Variants in MAP3K14 observed in about 807,000 individuals in gnomAD.
The protein encoded by MAP3K14 is NF-kappa-beta-inducing kinase.
Under a neutral mutation model 99.2 loss-of-function variants are expected in MAP3K14, and 16 were observed. That is an observed-to-expected ratio of 0.16 (90% CI 0.11 to 0.24). MAP3K14 has a LOEUF of 0.24. Ranked by LOEUF, MAP3K14 falls within the 10% of genes least tolerant of loss-of-function variation. MAP3K14 has a pLI of 1.00. For synonymous variants in MAP3K14, 462 were observed against 492.4 expected (o/e 0.94, Z 0.82); for missense variants, 784 against 1,208.7 (o/e 0.65, Z 5.21).
intron 6 of MAP3K14, among the ~76,000 whole-genome samples, chr17:45,277,375 AG>A (rs991289739): frequency 3.9e-5 from 6 of 152,048 alleles, no homozygotes; most frequent in African/African-American, 1.4e-4. Flanking sequence ...TAGCATCGCC[AG>A]GGGGCGCTGG....
Position 45,267,322 on chromosome 17 carries a change from A to T in MAP3K14, c.2326+84T>A. The T allele has an allele frequency of 1.4e-6, 2 of 1,458,720 alleles. No homozygotes were observed. Among genetic ancestry groups the T allele is most frequent in the Non-Finnish European group, 1.9e-6 (2 of 1,066,474 alleles). 90.4% of individuals were successfully genotyped at this position (1,458,720 alleles called of 1,614,324 possible). A position where few individuals can be genotyped will look rare whatever the true frequency, so the allele number is the denominator to read the frequency against. On this transcript the variant is annotated intron_variant, in intron 12 of 15. Coordinates refer to ENST00000344686, the MANE Select transcript of MAP3K14 (RefSeq NM_003954.5). This position sits in a 1 kb window ranked among gnomAD's most constrained non-coding sequence, Gnocchi z 5.1. ...GGGAAGGGGCTGGAAGAAAGCCCAC[A>T]CCGCAGGTAAAGAGAAACACCGGCC...
chr17:45,267,542 C>A lies in MAP3K14; in HGVS notation c.2190G>T (p.Leu730Phe). The A allele has an allele frequency of 6.2e-7, 1 of 1,613,560 alleles. No individual in the cohort carries two copies. Among genetic ancestry groups the A allele is most frequent in the Non-Finnish European group, 8.5e-7 (1 of 1,179,650 alleles). Residue 730 changes from leucine (L) to phenylalanine (F), a missense_variant, in exon 12 of 16, where the codon TTG (leucine) becomes TTT (phenylalanine). Physicochemically the swap from Leu to Phe is conservative, Grantham distance 22. Coordinates refer to ENST00000344686, the MANE Select transcript of MAP3K14 (RefSeq NM_003954.5). This position sits in a 1 kb window ranked among gnomAD's most constrained non-coding sequence, Gnocchi z 5.1. Reference sequence around the variant, plus strand: ...TCCCAGACTCCTCCTTGCTCAAAGTCAAGGGAGGAGACTTGTTTGGCTCTG... The same window carrying A: ...TCCCAGACTCCTCCTTGCTCAAAGTAAAGGGAGGAGACTTGTTTGGCTCTG... Reference protein sequence around the residue: ...EPPEPNKSPPLTLSKEESGMW... With the variant: ...EPPEPNKSPPFTLSKEESGMW...
At chr17:45,312,252 T>C (rs985881365) in intron 1 of MAP3K14, among the ~76,000 whole-genome samples, 6 of 152,194 alleles carry the variant, frequency 3.9e-5, no homozygotes, top group African/African-American at 1.2e-4. Flanking sequence ...CAACCAGTTA[T>C]GGAGCAAGGT....
chr17:45,276,992 G>A lies in MAP3K14; in HGVS notation c.1291-2399C>T, dbSNP rs576252031. ...TTACAGGCACGTGCCACCACATCCA[G>A]CTAATTTTTGTATTTTTAGTAGAGA... On this transcript the variant is annotated intron_variant, in intron 6 of 15. Transcript: ENST00000344686. Among the ~76,000 whole-genome samples the A allele has an allele frequency of 2.4e-3, 358 of 151,060 alleles. 1 individual carries two copies. The highest frequency in any genetic ancestry group is 8.5e-3 in the African/African-American group (348 of 41,118).
rs781573292 is a variant in MAP3K14 at position 45,270,555 on chromosome 17, G to A, written c.1830C>T (p.Ser610=). Residue 610 remains serine (S), a synonymous_variant, in exon 11 of 16, where the codon AGC becomes AGT. Transcript: ENST00000344686. ...FRGPLCLKIA[S]EPPPVREIPP... The stretch of plus-strand genomic sequence containing the variant: ...GGATCTCCCTCACAGGCGGAGGCTC[G>A]CTGGCAATCTGGGGGGCAAAAGACA... The A allele has an allele frequency of 5.8e-6, 9 of 1,551,290 alleles. No homozygotes were observed. Among genetic ancestry groups the A allele is most frequent in the Non-Finnish European group, 7.8e-6 (9 of 1,150,868 alleles).
chr17:45,270,423 T>C lies in MAP3K14; in HGVS notation c.1962A>G (p.Ala654=), dbSNP rs1221758717. The change falls in exon 11 of 16, where the codon GCA becomes GCG. Residue 654 remains alanine (A), a synonymous_variant. Transcript: ENST00000344686. ...TGGGGCTCTTCCTACCTTGCTGTAG[T>C]GCCCGGTTCACCTTCCCTCCCAGCT... ...AAELGGKVNR[A]LQQVGGLKSP... 1.9e-6 allele frequency: 3 copies of C among 1,611,398 alleles called. No individual in the cohort carries two copies. The highest frequency in any genetic ancestry group is 1.7e-5 in the Admixed American group (1 of 59,902).
rs529655340 is a variant in MAP3K14 at position 45,306,696 on chromosome 17, T to C, written c.-21+10264A>G. Among the ~76,000 whole-genome samples the C allele has an allele frequency of 3.3e-5, 5 of 152,364 alleles. No individual in the cohort carries two copies. The South Asian group carries it at 8.3e-4, about 25-fold the overall frequency. ...TTGCTATCTTCATAAATTTCATCAG[T>C]ACTTTTGCCCCCAGGCCCTGATACA... is the stretch of plus-strand genomic sequence containing the variant. On this transcript the variant is annotated intron_variant, in intron 1 of 15. Transcript: ENST00000344686.
In MAP3K14 at chr17:45,286,571, C is replaced by G. The variant is rs1237114758; in HGVS notation, c.1012G>C (p.Val338Leu). The G allele has an allele frequency of 1.9e-6, 3 of 1,611,120 alleles. No homozygotes were observed. Among genetic ancestry groups the G allele is most frequent in the South Asian group, 1.1e-5 (1 of 90,358 alleles). Residue 338 changes from valine (V) to leucine (L), a missense_variant, in exon 5 of 16, where the codon GTG becomes CTG. Physicochemically the swap from Val to Leu is conservative, Grantham distance 32. This residue lies in a region of MAP3K14 where 138 missense variants were observed against 164.1 expected (regional missense o/e 0.84). Coordinates refer to ENST00000344686, the MANE Select transcript of MAP3K14 (RefSeq NM_003954.5). This position sits in a 1 kb window ranked among gnomAD's most constrained non-coding sequence, Gnocchi z 4.1. Reference sequence around the variant, plus strand: ...CTCACGCTGCCTTGCAGAGCATGCACTAGGTATTCCTCCACAGAAAACTTC... The same window carrying G: ...CTCACGCTGCCTTGCAGAGCATGCAGTAGGTATTCCTCCACAGAAAACTTC... ...HEKFSVEEYLVHALQGSVSSG... is the reference protein window; with the variant it reads ...HEKFSVEEYLLHALQGSVSSG...
intron 1 of MAP3K14, among the ~76,000 whole-genome samples, chr17:45,294,944 A>G (rs1048825604): frequency 1.3e-5 from 2 of 152,248 alleles, no homozygotes; most frequent in African/African-American, 4.8e-5. Context: ...CCAGCATTGC[A>G]GAAAGTTCTA....
intron 1 of MAP3K14, among the ~76,000 whole-genome samples, chr17:45,295,256 T>C (rs1401785605): frequency 1.3e-5 from 2 of 151,844 alleles, no homozygotes; most frequent in Non-Finnish European, 2.9e-5. Context: ...AGTGGGACCA[T>C]TTTTGTCAAA....
At chr17:45,270,323 G>A (rs866030754) in intron 11 of MAP3K14, 90 bp downstream of exon 11, 2 of 1,456,448 alleles carry the variant, frequency 1.4e-6, no homozygotes, top group African/African-American at 2.9e-5. Context: ...GGCTCTGAGG[G>A]GTGCCTTGCT....
intron 1 of MAP3K14, among the ~76,000 whole-genome samples, chr17:45,315,248 G>GC (rs2044520655): frequency 6.6e-6 from 1 of 151,766 alleles, no homozygotes; most frequent in Non-Finnish European, 1.5e-5. Context: ...CTGTGGTGCC[G>GC]CTCCCACAAA....
intron 1 of MAP3K14, among the ~76,000 whole-genome samples, chr17:45,298,745 G>A (rs577900034): frequency 1.2e-4 from 18 of 152,286 alleles, no homozygotes; most frequent in Admixed American, 3.9e-4. Context: ...GTTGGGCCCC[G>A]TGCTGAGTGC....
In MAP3K14 at chr17:45,286,625, G is replaced by A; in HGVS notation, c.958C>T (p.Pro320Ser). The A allele has an allele frequency of 6.2e-7, 1 of 1,610,994 alleles. No homozygotes were observed. Among genetic ancestry groups the A allele is most frequent in the South Asian group, 1.1e-5 (1 of 90,392 alleles). Residue 320 changes from proline to serine, a missense_variant, in exon 5 of 16, where the codon CCC becomes TCC. Around this residue, in one of 5 missense-constraint regions of MAP3K14, gnomAD observed 138 missense variants for 164.1 expected, o/e 0.84. Transcript: ENST00000344686. The surrounding 1 kb of genome is among the most constrained non-coding windows in gnomAD (Gnocchi z 4.1). ...TGGGCACCACGAGACAGGCAGCTGG[G>A]CTCCAGGTGTGGGCCAGGCAGGGGC... ...PKPLPGPHLEPSCLSRGAHEK... is the reference protein window; with the variant it reads ...PKPLPGPHLESSCLSRGAHEK...
chr17:45,312,305 C>T (rs572166066), intron 1 of MAP3K14, among the ~76,000 whole-genome samples: 6 of 152,324 alleles, frequency 3.9e-5, no homozygotes, highest in African/African-American at 1.4e-4. Context: ...AAGTCAAGTG[C>T]AGAGCTGCCA....
intron 9 of MAP3K14, 21 bp downstream of exon 9, chr17:45,273,482 G>A (rs1177845690): frequency 1.3e-6 from 2 of 1,565,944 alleles, no homozygotes; most frequent in South Asian, 1.1e-5. Context: ...GGGGGGCACG[G>A]CAGTTGGTGG....
At chr17:45,295,022 A>G (rs1210679401) in intron 1 of MAP3K14, among the ~76,000 whole-genome samples, 1 of 152,178 alleles carries the variant, frequency 6.6e-6, no homozygotes, top group Non-Finnish European at 1.5e-5. Context: ...TGTTCCTAGG[A>G]TTCTGGGGCA....
intron 8 of MAP3K14, 195 bp downstream of exon 8, chr17:45,273,928 G>A (rs1389631019): frequency 8.2e-6 from 6 of 727,928 alleles, no homozygotes; most frequent in South Asian, 3.7e-5. Flanking sequence ...TGTGGCCACC[G>A]TCTACCAGAA....
At chr17:45,295,599 A>G (rs2044340820) in intron 1 of MAP3K14, among the ~76,000 whole-genome samples, 1 of 152,240 alleles carries the variant, frequency 6.6e-6, no homozygotes, top group Non-Finnish European at 1.5e-5. Flanking sequence ...GATATGGCTT[A>G]GGGAAGTGTA....
Sources: allele counts gnomAD v4.1 joint callset (sites outside exome capture counted in the v4.1 genomes callset), GRCh38; gene constraint gnomAD v4.1.1; regional missense constraint gnomAD v4.1.1; non-coding constraint Gnocchi (gnomAD v3.1); transcripts MANE v1.5; gene names NCBI Gene and HGNC (gene_info 2026-07-23, HGNC 2026-07-21).